IFTAP: variants seen among roughly 807,000 people sequenced by gnomAD.
IFTAP encodes the protein intraflagellar transport associated protein.
A neutral mutation model predicts 19.4 loss-of-function variants in IFTAP; 19 were observed. The ratio of observed to expected loss-of-function variants is 0.98; its 90% CI spans 0.68 to 1.44. The LOEUF is 1.44. Ranked by LOEUF, IFTAP falls within the 40% of genes most tolerant of loss-of-function variation. IFTAP has a pLI of 0.00. For missense variants in IFTAP, 240 were observed against 253.6 expected (o/e 0.95, Z 0.36); for synonymous variants, 85 against 83.5 (o/e 1.02, Z -0.10).
At chr11:36,627,685 CAGTGTGGG>C (rs1306704414) in intron 2 of IFTAP, among the ~76,000 whole-genome samples, 1 of 151,208 alleles carries the variant, frequency 6.6e-6, no homozygotes, top group Non-Finnish European at 1.5e-5. Flanking sequence ...CATCTGTTCC[CAGTGTGGG>C]CCACCTCTTT....
chr11:36,620,154 GA>G (rs1565013951), intron 2 of IFTAP, among the ~76,000 whole-genome samples: 1 of 151,878 alleles, frequency 6.6e-6, no homozygotes, highest in Non-Finnish European at 1.5e-5. Context: ...AAAAGTGTAA[GA>G]AAAAATGTTG....
chr11:36,624,062 G>A (rs973652993), intron 2 of IFTAP, among the ~76,000 whole-genome samples: 15 of 152,138 alleles, frequency 9.9e-5, no homozygotes, highest in African/African-American at 3.4e-4. Flanking sequence ...GGAAGAAGAT[G>A]CATGTAGGTA....
Position 36,617,138 on chromosome 11 carries a change from T to C in IFTAP, c.136+6899T>C, listed in dbSNP as rs566613869. Among the ~76,000 whole-genome samples, 87 of 150,182 alleles carry C rather than the reference T, an allele frequency of 5.8e-4. No individual in the cohort carries two copies. The South Asian group carries it at 0.015, about 27-fold the overall frequency. ...TTTGAAATGATAATATTTTAGAAAA[T>C]TGATTTAAATAAAATATATCATTAA... is the stretch of plus-strand genomic sequence containing the variant. On this transcript the variant is annotated intron_variant, in intron 2 of 5. Coordinates refer to ENST00000334307, the MANE Select transcript of IFTAP (RefSeq NM_138787.4).
chr11:36,616,247 CTACTT>C, intron 2 of IFTAP, among the ~76,000 whole-genome samples: 1 of 151,996 alleles, frequency 6.6e-6, no homozygotes, highest in Non-Finnish European at 1.5e-5. Context: ...CCATAGTTGT[CTACTT>C]TAACCTGTTT....
intron 1 of IFTAP, among the ~76,000 whole-genome samples, chr11:36,602,309 G>GTGTGGGT (rs746572453): frequency 3.3e-5 from 5 of 152,208 alleles, no homozygotes; most frequent in Non-Finnish European, 7.3e-5. Flanking sequence ...CTAACCAGCT[G>GTGTGGGT]TGTGGGTTTT....
intron 5 of IFTAP, among the ~76,000 whole-genome samples, chr11:36,651,182 A>C (rs571871878): frequency 6.6e-6 from 1 of 152,308 alleles, no homozygotes; most frequent in South Asian, 2.1e-4. Context: ...ACAGTGTAAA[A>C]GTGTTCCTGT....
At chr11:36,644,039 A>G (rs902958447) in intron 4 of IFTAP, among the ~76,000 whole-genome samples, 2 of 152,230 alleles carry the variant, frequency 1.3e-5, no homozygotes, top group African/African-American at 4.8e-5. Context: ...AGCAAAAGAA[A>G]CTACCATCAG....
intron 5 of IFTAP, among the ~76,000 whole-genome samples, chr11:36,651,311 A>G (rs535844843): frequency 3.2e-4 from 49 of 152,288 alleles, no homozygotes; most frequent in African/African-American, 1.1e-3. Context: ...GGCCAGTGAT[A>G]ATGAGCAGTT....
intron 1 of IFTAP, among the ~76,000 whole-genome samples, chr11:36,599,083 A>G (rs1423325848): frequency 6.6e-6 from 1 of 151,954 alleles, no homozygotes; most frequent in Non-Finnish European, 1.5e-5. Flanking sequence ...AACCTCTGCT[A>G]CCCAGGTTCA....
chr11:36,627,623 G>C (rs1420444045), intron 2 of IFTAP, among the ~76,000 whole-genome samples: 1 of 151,360 alleles, frequency 6.6e-6, no homozygotes, highest in Non-Finnish European at 1.5e-5. Flanking sequence ...ACCAGCAGCT[G>C]TTGCTCTGTT....
In IFTAP at chr11:36,618,934, G is replaced by A. The variant is rs189632367; in HGVS notation, c.136+8695G>A. 3.0e-3 allele frequency among the ~76,000 whole-genome samples: 450 copies of A among 151,988 alleles called. 5 individuals are homozygous for A. Among genetic ancestry groups the A allele is most frequent in the African/African-American group, 0.01 (426 of 41,474 alleles). On this transcript the variant is annotated intron_variant, in intron 2 of 5. Transcript: ENST00000334307. ...GTTGGGGAGAAAATGGAAAGCAAAA[G>A]GGCCTAGGAGACGCTGCCAGTGAAG...
chr11:36,654,859 C>T (rs116704394), intron 5 of IFTAP, among the ~76,000 whole-genome samples: 2,869 of 152,140 alleles, frequency 0.019, 40 homozygotes, highest in South Asian at 0.035. Flanking sequence ...CTTACTGAAC[C>T]GCTTTAGCAG....
intron 4 of IFTAP, among the ~76,000 whole-genome samples, chr11:36,644,426 C>T (rs1485179690): frequency 5.3e-5 from 8 of 152,080 alleles, no homozygotes; most frequent in South Asian, 2.1e-4. Flanking sequence ...TCAACTATTG[C>T]GGAAGACAGT....
At chr11:36,656,821 G>A (rs975422578) in intron 5 of IFTAP, among the ~76,000 whole-genome samples, 1 of 152,070 alleles carries the variant, frequency 6.6e-6, no homozygotes, top group African/African-American at 2.4e-5. Flanking sequence ...GGGGATTGAG[G>A]TTATTTGTGT....
intron 4 of IFTAP, among the ~76,000 whole-genome samples, chr11:36,646,199 A>G (rs1853474689): frequency 2.0e-5 from 3 of 152,210 alleles, no homozygotes; most frequent in Admixed American, 2.0e-4. Flanking sequence ...CAATACTGTC[A>G]GCCAGAATGA....
chr11:36,633,870 C>T (rs750959992), intron 3 of IFTAP, among the ~76,000 whole-genome samples: 8 of 152,030 alleles, frequency 5.3e-5, no homozygotes, highest in African/African-American at 1.2e-4. Flanking sequence ...ATGTTAGATA[C>T]GCTTTTTCTA....
intron 2 of IFTAP, among the ~76,000 whole-genome samples, chr11:36,616,791 T>C (rs890190605): frequency 1.3e-5 from 2 of 151,932 alleles, no homozygotes; most frequent in East Asian, 1.9e-4. Flanking sequence ...CATGTAGCTA[T>C]TGAGTATTGG....
At chr11:36,625,380 CAT>C (rs1852471596) in intron 2 of IFTAP, among the ~76,000 whole-genome samples, 1 of 152,228 alleles carries the variant, frequency 6.6e-6, no homozygotes, top group East Asian at 1.9e-4. Context: ...TTATGCTACA[CAT>C]AGTTTCTGTA....
At chr11:36,657,541 A>C (rs1348814043) in intron 5 of IFTAP, among the ~76,000 whole-genome samples, 1 of 152,152 alleles carries the variant, frequency 6.6e-6, no homozygotes, top group African/African-American at 2.4e-5. Flanking sequence ...TTCTCTCCAA[A>C]GGCTGTGACT....
Sources: allele counts gnomAD v4.1 joint callset (sites outside exome capture counted in the v4.1 genomes callset), GRCh38; gene constraint gnomAD v4.1.1; transcripts MANE v1.5; gene names NCBI Gene and HGNC (gene_info 2026-07-23, HGNC 2026-07-21).